Variants in TRAFD1 observed in about 807,000 individuals in gnomAD.
TRAFD1 encodes the protein TRAF-type zinc finger domain-containing protein 1.
A neutral mutation model predicts 65.3 loss-of-function variants in TRAFD1; 38 were observed. The observed-to-expected ratio is 0.58, with a 90% CI of 0.45 to 0.76. The LOEUF (loss-of-function observed/expected upper bound fraction) is 0.76. TRAFD1 is among the 30% of genes least tolerant of loss of function. The probability of loss-of-function intolerance (pLI) is 0.00; values close to 1 mark genes in which losing one functional copy is unlikely to be tolerated. For missense variants in TRAFD1, 631 were observed against 712.6 expected (o/e 0.89, Z 1.30); for synonymous variants, 223 against 257.2 (o/e 0.87, Z 1.27).
At position 112,141,176 on chromosome 12, in the gene TRAFD1, A is replaced by T. The variant is rs756835810; in HGVS notation, c.595A>T (p.Thr199Ser). ...FESDVFHNRT[T>S]NQRNITAQVS... ...ATCAGATGTTTTCCACAATAGAACT[A>T]CCAACCAAAGGAACATTACAGCCCA... The change falls in exon 5 of 12, where the codon ACC (threonine) becomes TCC (serine). Residue 199 changes from threonine to serine, a missense_variant. By Grantham distance (58) the Thr-to-Ser change is moderately conservative. Coordinates refer to ENST00000412615, the MANE Select transcript of TRAFD1 (RefSeq NM_006700.3). 1.2e-6 allele frequency: 2 copies of T among 1,614,088 alleles called. No individual in the cohort carries two copies. The highest frequency in any genetic ancestry group is 1.7e-6 in the Non-Finnish European group (2 of 1,180,052).
chr12:112,139,833 T>C (rs1431609033), intron 4 of TRAFD1, among the ~76,000 whole-genome samples: 1 of 152,100 alleles, frequency 6.6e-6, no homozygotes, highest in East Asian at 1.9e-4. Flanking sequence ...ACCCCTTCGG[T>C]GCTAAAAATA....
At chr12:112,151,355 G>A (rs2030400508) in intron 9 of TRAFD1, among the ~76,000 whole-genome samples, 1 of 152,040 alleles carries the variant, frequency 6.6e-6, no homozygotes, top group African/African-American at 2.4e-5. Flanking sequence ...TCTCTGCCCT[G>A]GAGATGTGGG....
At position 112,148,081 on chromosome 12, in the gene TRAFD1, G is replaced by A; in HGVS notation, c.935G>A (p.Cys312Tyr). 6.2e-7 allele frequency: 1 copy of A among 1,614,010 alleles called. No individual in the cohort carries two copies. The highest frequency in any genetic ancestry group is 8.5e-7 in the Non-Finnish European group (1 of 1,179,890). ...ATATTTTTTGAATGACAGACAAGCT[G>A]TAACCCTTCACGTGCCTTACCTTCA... ...EELLIDHQTSCNPSRALPSLN... is the reference protein window; with the variant it reads ...EELLIDHQTSYNPSRALPSLN... The change falls in exon 8 of 12, where the codon TGT becomes TAT. Residue 312 changes from cysteine to tyrosine, a missense_variant. By Grantham distance (194) the Cys-to-Tyr change is radical. Coordinates refer to ENST00000412615, the MANE Select transcript of TRAFD1 (RefSeq NM_006700.3).
chr12:112,130,515 A>G lies in TRAFD1; in HGVS notation c.-8A>G, dbSNP rs1212561371. 6 of 1,612,770 alleles carry G rather than the reference A, an allele frequency of 3.7e-6. No homozygotes were observed. Among genetic ancestry groups the G allele is most frequent in the Non-Finnish European group, 5.1e-6 (6 of 1,179,220 alleles). On this transcript the variant is annotated 5_prime_UTR_variant, in exon 2 of 12. Coordinates refer to ENST00000412615, the MANE Select transcript of TRAFD1 (RefSeq NM_006700.3). The surrounding 1 kb of genome is among the most constrained non-coding windows in gnomAD (Gnocchi z 4.4). ...GTCTTCCTTTGTGGTTTTCAGGAAG[A>G]GCTAAAGATGGCTGAATTTCTAGAT...
intron 6 of TRAFD1, 151 bp from the exon 7 acceptor site, chr12:112,145,435 C>A: frequency 1.4e-6 from 1 of 698,544 alleles, no homozygotes; most frequent in East Asian, 2.7e-5. Context: ...GGATGGGTTC[C>A]CTCTGAGAAT....
rs775236840 is a variant in TRAFD1, at chr12:112,152,694, C to G, written c.1693-41C>G. 6.2e-7 allele frequency: 1 copy of G among 1,613,518 alleles called. No individual in the cohort carries two copies. Among genetic ancestry groups the G allele is most frequent in the African/African-American group, 1.3e-5 (1 of 74,864 alleles). On this transcript the variant is annotated intron_variant, in intron 11 of 11. Coordinates refer to ENST00000412615, the MANE Select transcript of TRAFD1 (RefSeq NM_006700.3). The surrounding 1 kb of genome is among the most constrained non-coding windows in gnomAD (Gnocchi z 5.0). Reference sequence around the variant, plus strand: ...CCAGGGGAGGAGTAATGCTTTTTCACTTTTTATGTAAAGCTTCGTTTGTGT... The same window carrying G: ...CCAGGGGAGGAGTAATGCTTTTTCAGTTTTTATGTAAAGCTTCGTTTGTGT...
chr12:112,133,782 G>T (rs2079577991), intron 2 of TRAFD1, among the ~76,000 whole-genome samples: 1 of 147,432 alleles, frequency 6.8e-6, no homozygotes, highest in African/African-American at 2.5e-5. Flanking sequence ...TCAGCTTTCT[G>T]CAACCTCTGC....
At chr12:112,150,442 T>G (rs1268300574) in intron 9 of TRAFD1, among the ~76,000 whole-genome samples, 2 of 152,066 alleles carry the variant, frequency 1.3e-5, no homozygotes, top group Non-Finnish European at 2.9e-5. Flanking sequence ...AGAGATAGGG[T>G]CTTGCTATGT....
Position 112,146,859 on chromosome 12 carries a change from G to A in TRAFD1, c.927+1197G>A, listed in dbSNP as rs151067355. ...GCAGGTTCTGGGTTTTCCCAGTTTC[G>A]GAATCTCTAAATACTTGGTATCTGA... On this transcript the variant is annotated intron_variant, in intron 7 of 11. Transcript: ENST00000412615. 5.1e-4 allele frequency among the ~76,000 whole-genome samples: 78 copies of A among 152,190 alleles called. 1 individual carries two copies. Among genetic ancestry groups the A allele is most frequent in the Middle Eastern group, 6.8e-3 (2 of 294 alleles).
At chr12:112,134,464 C>G (rs1445435510) in intron 2 of TRAFD1, among the ~76,000 whole-genome samples, 1 of 152,016 alleles carries the variant, frequency 6.6e-6, no homozygotes, top group Non-Finnish European at 1.5e-5. Context: ...CCATGTTGGC[C>G]AGGTTGGTCT....
Position 112,152,651 on chromosome 12 carries a change from C to G in TRAFD1, c.1693-84C>G. ...TTTGAGAAGGAGGTTTCTAAGGAAG[C>G]GGGACATTTTCGGGGATCCAGGGGA... On this transcript the variant is annotated intron_variant, in intron 11 of 11. Coordinates refer to ENST00000412615, the MANE Select transcript of TRAFD1 (RefSeq NM_006700.3). This position sits in a 1 kb window ranked among gnomAD's most constrained non-coding sequence, Gnocchi z 5.0. The G allele has an allele frequency of 6.2e-7, 1 of 1,604,268 alleles. No individual in the cohort carries two copies. Among genetic ancestry groups the G allele is most frequent in the African/African-American group, 1.3e-5 (1 of 74,714 alleles).
At chr12:112,145,750 C>G (rs1392237760) in intron 7 of TRAFD1, 88 bp downstream of exon 7, 3 of 1,117,652 alleles carry the variant, frequency 2.7e-6, no homozygotes, top group Non-Finnish European at 4.0e-6. Context: ...TTGAACAAAT[C>G]ATTTTAATAC....
intron 7 of TRAFD1, 98 bp from the exon 8 acceptor site, chr12:112,147,976 G>A: frequency 8.2e-7 from 1 of 1,219,526 alleles, no homozygotes; most frequent in Non-Finnish European, 1.1e-6. Context: ...GCCAAGCATT[G>A]TTAAAATTAT....
At position 112,152,863 on chromosome 12, in the gene TRAFD1, CCTCTTTGG is replaced by C; in HGVS notation, c.*81_*88del. 1.3e-6 allele frequency: 2 copies of C among 1,542,380 alleles called. No individual in the cohort carries two copies. The highest frequency in any genetic ancestry group is 1.8e-6 in the Non-Finnish European group (2 of 1,133,044). ...CAGCACTTGCCGCTGTGCAGGCCCA[CCTCTTTGG>C]CTCTTTGGGTGGGAGAGTTTTTCCA... On this transcript the variant is annotated 3_prime_UTR_variant, in exon 12 of 12. Transcript: ENST00000412615. This position sits in a 1 kb window ranked among gnomAD's most constrained non-coding sequence, Gnocchi z 5.0.
At chr12:112,148,983 T>C (rs957474391) in intron 8 of TRAFD1, among the ~76,000 whole-genome samples, 2 of 152,102 alleles carry the variant, frequency 1.3e-5, no homozygotes, top group African/African-American at 4.8e-5. Context: ...TTTGGGAGGC[T>C]GAGGCGGGCA....
intron 4 of TRAFD1, chr12:112,140,205 G>A (rs757540626): frequency 1.6e-4 from 40 of 251,372 alleles, no homozygotes; most frequent in South Asian, 1.4e-3. Flanking sequence ...CGGATCACAA[G>A]GTCAGAAGTT....
intron 2 of TRAFD1, among the ~76,000 whole-genome samples, chr12:112,133,527 G>T (rs1041322970): frequency 6.6e-6 from 1 of 152,168 alleles, no homozygotes; most frequent in African/African-American, 2.4e-5. Flanking sequence ...ATCCTGGAGC[G>T]TATCACTCTG....
At chr12:112,151,778 C>T in intron 9 of TRAFD1, 23 bp from the exon 10 acceptor site, 1 of 1,599,032 alleles carries the variant, frequency 6.3e-7, no homozygotes, top group Non-Finnish European at 8.5e-7. Context: ...TTTCCTAAAG[C>T]TGTTACCATT....
chr12:112,143,462 T>G (rs1232979352), intron 6 of TRAFD1, among the ~76,000 whole-genome samples: 1 of 148,888 alleles, frequency 6.7e-6, no homozygotes, highest in East Asian at 3.2e-4. Context: ...TGATGTCAGG[T>G]GATCCACCTG....
Sources: allele counts gnomAD v4.1 joint callset (sites outside exome capture counted in the v4.1 genomes callset), GRCh38; gene constraint gnomAD v4.1.1; non-coding constraint Gnocchi (gnomAD v3.1); transcripts MANE v1.5; gene names NCBI Gene and HGNC (gene_info 2026-07-23, HGNC 2026-07-21).